IQCH: variants seen among roughly 807,000 people sequenced by gnomAD.
The protein encoded by IQCH is IQ domain-containing protein H.
In IQCH, 98 loss-of-function variants were observed where a neutral mutation model predicts 117.0. That is an observed-to-expected ratio of 0.84 (90% confidence interval 0.71 to 0.99). The LOEUF (loss-of-function observed/expected upper bound fraction) is 0.99. Among genes scored for constraint, IQCH ranks in the 50% least tolerant of loss-of-function variants. The pLI, the probability that IQCH is intolerant of heterozygous loss-of-function variation, is 0.00. For synonymous variants in IQCH, 412 were observed against 448.2 expected (o/e 0.92, Z 1.02); for missense variants, 1,102 against 1,243.8 (o/e 0.89, Z 1.72).
chr15:67,338,241 A>G (rs1051485337), intron 5 of IQCH, among the ~76,000 whole-genome samples: 11 of 150,818 alleles, frequency 7.3e-5, no homozygotes, highest in Admixed American at 2.7e-4. Context: ...CTATCTATCT[A>G]TCTATCTGTC....
In IQCH at chr15:67,458,954, T is replaced by C. The variant is rs954706268; in HGVS notation, c.2506-6173T>C. 6.6e-6 allele frequency among the ~76,000 whole-genome samples: 1 copy of C among 152,200 alleles called. No homozygotes were observed. Among genetic ancestry groups the C allele is most frequent in the Non-Finnish European group, 1.5e-5 (1 of 68,038 alleles). ...TGGCTTATTTGGAGTGCCTGTCTTT[T>C]TAAAAATTTTCGGCAATATGATAAA... On this transcript the variant is annotated intron_variant, in intron 16 of 20. Coordinates refer to ENST00000335894, the MANE Select transcript of IQCH (RefSeq NM_001031715.3). This position sits in a 1 kb window ranked among gnomAD's most constrained non-coding sequence, Gnocchi z 4.1.
Position 67,259,820 on chromosome 15 carries a change from A to G in IQCH, c.52-1452A>G, listed in dbSNP as rs1965385029. Among the ~76,000 whole-genome samples, 3 of 152,270 alleles carry G rather than the reference A, an allele frequency of 2.0e-5. No homozygotes were observed. The South Asian group carries it at 6.2e-4, about 31-fold the overall frequency. On this transcript the variant is annotated intron_variant, in intron 1 of 20. Transcript: ENST00000335894. ...TTGCAGCAGTAATTTGGACAAAACA[A>G]TAGAAAGAAGTATATCTTTATCTTT...
chr15:67,330,741 C>G (rs958039265), intron 4 of IQCH, among the ~76,000 whole-genome samples: 2 of 152,208 alleles, frequency 1.3e-5, no homozygotes, highest in Non-Finnish European at 2.9e-5. Context: ...AATTGATAAA[C>G]TGTATGCTTT....
intron 15 of IQCH, among the ~76,000 whole-genome samples, chr15:67,419,653 A>C (rs1267269403): frequency 1.3e-5 from 2 of 152,218 alleles, no homozygotes; most frequent in Non-Finnish European, 2.9e-5. Context: ...TCCCAGGCTC[A>C]AGCAATACTC....
intron 4 of IQCH, among the ~76,000 whole-genome samples, chr15:67,316,575 A>G (rs1428985748): frequency 5.3e-5 from 8 of 152,192 alleles, no homozygotes; most frequent in Non-Finnish European, 7.3e-5. Context: ...ATTTAGCTAT[A>G]AAGCAATAGC....
Position 67,475,746 on chromosome 15 carries a change from C to T in IQCH, c.2727C>T (p.Ser909=), listed in dbSNP as rs142631355. The T allele has an allele frequency of 6.2e-7, 1 of 1,614,056 alleles. No individual in the cohort carries two copies. The highest frequency in any genetic ancestry group is 1.3e-5 in the African/African-American group (1 of 75,050). ...TGATGACCACCCAGCTAAGACACAG[C>T]AATCTCTCACTGGTTTTCCACTATG... ...YAVMTTQLRH[S]NLSLVFHYVF... The change falls in exon 18 of 21, where the codon AGC becomes AGT. Residue 909 remains serine, a synonymous_variant. Transcript: ENST00000335894. The surrounding 1 kb of genome is among the most constrained non-coding windows in gnomAD (Gnocchi z 5.7).
intron 16 of IQCH, among the ~76,000 whole-genome samples, chr15:67,464,035 ATT>A (rs1362457069): frequency 6.6e-6 from 1 of 151,898 alleles, no homozygotes; most frequent in Non-Finnish European, 1.5e-5. Flanking sequence ...TAGAGATGAC[ATT>A]TCGCCATGTT....
intron 4 of IQCH, among the ~76,000 whole-genome samples, chr15:67,316,135 G>T (rs1329914197): frequency 2.0e-5 from 3 of 152,092 alleles, no homozygotes; most frequent in Non-Finnish European, 4.4e-5. Context: ...ACCACTTTAA[G>T]ATTGTTCCTA....
Position 67,353,157 on chromosome 15 carries a change from TAAAG to T in IQCH, c.638-4184_638-4181del, listed in dbSNP as rs758400258. ...CGAGACTCAGTCTCAAAAAAAAAAATAAAGAAAAAAGAAAACAAGAACAATTGAT... is the reference window on the plus strand; with the variant it reads ...CGAGACTCAGTCTCAAAAAAAAAAATAAAAAAGAAAACAAGAACAATTGAT... On this transcript the variant is annotated intron_variant, in intron 6 of 20. Transcript: ENST00000335894. Among the ~76,000 whole-genome samples the T allele has an allele frequency of 1.6e-3, 223 of 135,204 alleles. 1 individual carries two copies. The highest frequency in any genetic ancestry group is 1.5e-3 in the Non-Finnish European group (95 of 61,732). The allele number at this position is 135,204 out of a possible 152,430, so 88.7% of individuals were successfully genotyped here.
intron 12 of IQCH, among the ~76,000 whole-genome samples, chr15:67,394,868 C>T (rs1971407599): frequency 6.6e-6 from 1 of 152,090 alleles, no homozygotes; most frequent in Admixed American, 6.5e-5. Flanking sequence ...TAAAGAGTTG[C>T]CGTGGTAGGA....
rs1212674363 is a variant in IQCH, at chr15:67,388,070, T to C, written c.1457-761T>C. On this transcript the variant is annotated intron_variant, in intron 11 of 20. Coordinates refer to ENST00000335894, the MANE Select transcript of IQCH (RefSeq NM_001031715.3). This position sits in a 1 kb window ranked among gnomAD's most constrained non-coding sequence, Gnocchi z 5.5. ...ATGAATGGATGAACAAATGAATGAC[T>C]TCATTGACTGCTGATTTCCTATTCA... Among the ~76,000 whole-genome samples the C allele has an allele frequency of 6.6e-6, 1 of 152,224 alleles. No homozygotes were observed. Among genetic ancestry groups the C allele is most frequent in the Admixed American group, 6.5e-5 (1 of 15,276 alleles).
chr15:67,476,634 GAT>G lies in IQCH; in HGVS notation c.2799+817_2799+818del, dbSNP rs377230556. On this transcript the variant is annotated intron_variant, in intron 18 of 20. Coordinates refer to ENST00000335894, the MANE Select transcript of IQCH (RefSeq NM_001031715.3). The surrounding 1 kb of genome is among the most constrained non-coding windows in gnomAD (Gnocchi z 4.1). ...GGCCCCTGCATAGCTGCTTTATCCT[GAT>G]GTAGCTGACTAGAGGCAAGTGCAAT... Among the ~76,000 whole-genome samples the G allele has an allele frequency of 5.5e-3, 843 of 152,288 alleles. 6 individuals carry two copies. The highest frequency in any genetic ancestry group is 0.019 in the African/African-American group (809 of 41,556).
intron 5 of IQCH, 110 bp downstream of exon 5, chr15:67,337,205 G>T (rs1395139400): frequency 1.6e-6 from 2 of 1,274,554 alleles, no homozygotes; most frequent in Admixed American, 4.0e-5. Flanking sequence ...ATTCTCCTGG[G>T]TGGCCTCAGA....
chr15:67,429,896 GT>G (rs2081983252), intron 16 of IQCH, among the ~76,000 whole-genome samples: 1 of 152,230 alleles, frequency 6.6e-6, no homozygotes, highest in South Asian at 2.1e-4. Context: ...TGAGAATGAG[GT>G]TCTAGCAGAA....
At chr15:67,464,104 C>G (rs552611230) in intron 16 of IQCH, among the ~76,000 whole-genome samples, 29 of 152,346 alleles carry the variant, frequency 1.9e-4, no homozygotes, top group Middle Eastern at 6.8e-3. Flanking sequence ...GCTGGGATTA[C>G]AGGTATAAGC....
At chr15:67,434,692 G>A (rs2082091988) in intron 16 of IQCH, among the ~76,000 whole-genome samples, 1 of 152,022 alleles carries the variant, frequency 6.6e-6, no homozygotes, top group South Asian at 2.1e-4. Flanking sequence ...TTCCACAGTG[G>A]CTGTACTAAT....
rs1303409829 is a variant in IQCH at position 67,407,381 on chromosome 15, A to G, written c.2097+7076A>G. The G allele has an allele frequency of 1.3e-5, 2 of 152,184 alleles. No homozygotes were observed. Among genetic ancestry groups the G allele is most frequent in the Non-Finnish European group, 2.9e-5 (2 of 68,034 alleles). 9.4% of individuals were successfully genotyped at this position (152,184 alleles called of 1,614,324 possible). ...TCATTGGAAAGTCTTAATCATTTACATATTTGTCTTCATCTCTGAGAATGA... is the reference window on the plus strand; with the variant it reads ...TCATTGGAAAGTCTTAATCATTTACGTATTTGTCTTCATCTCTGAGAATGA... On this transcript the variant is annotated intron_variant, in intron 14 of 20. Coordinates refer to ENST00000335894, the MANE Select transcript of IQCH (RefSeq NM_001031715.3). The surrounding 1 kb of genome is among the most constrained non-coding windows in gnomAD (Gnocchi z 5.3).
intron 4 of IQCH, among the ~76,000 whole-genome samples, chr15:67,294,336 C>T (rs573092717): frequency 1.3e-5 from 2 of 152,286 alleles, no homozygotes; most frequent in African/African-American, 4.8e-5. Flanking sequence ...ATATCTATTT[C>T]CTTGCCTATA....
intron 3 of IQCH, among the ~76,000 whole-genome samples, chr15:67,273,146 C>A (rs1050247021): frequency 1.3e-5 from 2 of 152,166 alleles, no homozygotes; most frequent in African/African-American, 4.8e-5. Flanking sequence ...TCTCGGCTCA[C>A]TGCAACCTCT....
Sources: gnomAD v4.1 joint callset for allele counts (sites outside exome capture counted in the v4.1 genomes callset) on GRCh38, gnomAD v4.1.1 for gene constraint, Gnocchi (gnomAD v3.1) non-coding constraint, MANE v1.5 for transcripts, NCBI Gene and HGNC (gene_info 2026-07-23, HGNC 2026-07-21) for gene names.